SNX29: variants seen among roughly 807,000 people sequenced by gnomAD.
The protein encoded by SNX29 is sorting nexin 29.
SNX29 carries 78 observed loss-of-function variants against 102.1 expected under a neutral mutation model. That is an observed-to-expected ratio of 0.76 (90% CI 0.64 to 0.92). SNX29 has a LOEUF of 0.92. Among genes scored for constraint, SNX29 ranks in the 40% least tolerant of loss-of-function variants. The probability of loss-of-function intolerance (pLI) is 0.00; values close to 1 mark genes in which losing one functional copy is unlikely to be tolerated. For synonymous variants in SNX29, 580 were observed against 414.5 expected (o/e 1.40, Z -4.85); for missense variants, 1,280 against 1,061.7 (o/e 1.21, Z -2.86).
intron 15 of SNX29, among the ~76,000 whole-genome samples, chr16:12,311,719 A>G (rs572085988): frequency 1.5e-4 from 23 of 152,222 alleles, no homozygotes; most frequent in Non-Finnish European, 3.2e-4. Flanking sequence ...TCTGTCGCCA[A>G]TTCCAGTGTG....
chr16:12,092,574 G>A (rs2052601302), intron 11 of SNX29, among the ~76,000 whole-genome samples: 1 of 152,178 alleles, frequency 6.6e-6, no homozygotes, highest in African/African-American at 2.4e-5. Context: ...CAGTGAATGG[G>A]AACACTTGGT....
chr16:12,028,326 T>C (rs1311218084), intron 4 of SNX29, among the ~76,000 whole-genome samples: 1 of 152,198 alleles, frequency 6.6e-6, no homozygotes. Flanking sequence ...TATCATCCTT[T>C]CTTTTTTCTC....
intron 4 of SNX29, among the ~76,000 whole-genome samples, chr16:12,028,352 CTTTTTA>C (rs982935152): frequency 1.3e-5 from 2 of 151,958 alleles, no homozygotes; most frequent in African/African-American, 4.8e-5. Context: ...TTCAATAGAT[CTTTTTA>C]TTTATTTACT....
intron 14 of SNX29, among the ~76,000 whole-genome samples, chr16:12,215,382 A>C (rs564419282): frequency 1.3e-5 from 2 of 151,566 alleles, no homozygotes; most frequent in African/African-American, 4.8e-5. Context: ...CCCTCCATGC[A>C]CTCTATGTAA....
At chr16:12,319,309 C>T (rs529905440) in intron 15 of SNX29, among the ~76,000 whole-genome samples, 5 of 152,166 alleles carry the variant, frequency 3.3e-5, no homozygotes, top group Non-Finnish European at 7.4e-5. Flanking sequence ...CGAGACCAGC[C>T]CAAGCAACAT....
rs140728563 is a variant in SNX29, at chr16:12,285,544, G to T, written c.1782+7508G>T. On this transcript the variant is annotated intron_variant, in intron 15 of 20. Transcript: ENST00000566228. ...AAAAGTAAGCTTGAACATCAAGCTG[G>T]TAAAAAATACACTCATAATCACACG... Among the ~76,000 whole-genome samples the T allele has an allele frequency of 8.2e-3, 1,244 of 152,302 alleles. 9 individuals are homozygous for T. The highest frequency in any genetic ancestry group is 0.014 in the Non-Finnish European group (956 of 68,020).
chr16:12,424,944 T>G lies in SNX29; in HGVS notation c.2037+21415T>G, dbSNP rs57022780. ...AGGATAACCCTAACATGCCCGTCCA[T>G]AGACAAATGGATAAATAAATTGGGG... On this transcript the variant is annotated intron_variant, in intron 18 of 20. Coordinates refer to ENST00000566228, the MANE Select transcript of SNX29 (RefSeq NM_032167.5). Among the ~76,000 whole-genome samples the G allele has an allele frequency of 4.5e-3, 683 of 152,264 alleles. 5 individuals are homozygous for G. Among genetic ancestry groups the G allele is most frequent in the African/African-American group, 0.016 (653 of 41,530 alleles).
intron 18 of SNX29, among the ~76,000 whole-genome samples, chr16:12,428,530 CCTT>C (rs1367152207): frequency 5.3e-5 from 8 of 152,188 alleles, no homozygotes; most frequent in Non-Finnish European, 7.4e-5. Flanking sequence ...ATTAATATCT[CCTT>C]CTAGTTAATC....
intron 4 of SNX29, among the ~76,000 whole-genome samples, chr16:12,041,788 A>C (rs1384924973): frequency 6.6e-6 from 1 of 152,280 alleles, no homozygotes; most frequent in Non-Finnish European, 1.5e-5. Context: ...AGATCCTAAC[A>C]CAGTTGCATA....
chr16:11,997,023 T>C (rs1264724037), intron 1 of SNX29, among the ~76,000 whole-genome samples: 1 of 152,210 alleles, frequency 6.6e-6, no homozygotes, highest in Non-Finnish European at 1.5e-5. Context: ...CTTGGTATTG[T>C]GGTCCTAACA....
intron 13 of SNX29, among the ~76,000 whole-genome samples, chr16:12,162,018 G>A (rs574925092): frequency 5.0e-4 from 76 of 152,196 alleles, no homozygotes; most frequent in Middle Eastern, 3.4e-3. Flanking sequence ...ACCCCTGTTG[G>A]TTTCTTTTCA....
At chr16:12,548,534 T>A (rs1475080938) in intron 20 of SNX29, among the ~76,000 whole-genome samples, 1 of 152,190 alleles carries the variant, frequency 6.6e-6, no homozygotes, top group African/African-American at 2.4e-5. Flanking sequence ...GGTGCAGCCT[T>A]CTGGGAATTC....
intron 19 of SNX29, among the ~76,000 whole-genome samples, chr16:12,499,482 G>T (rs889308738): frequency 6.6e-6 from 1 of 152,170 alleles, no homozygotes. Flanking sequence ...CCCTTAGTCT[G>T]TGCTTAGGCC....
chr16:12,445,348 C>T (rs2086001940), intron 18 of SNX29, among the ~76,000 whole-genome samples: 1 of 152,224 alleles, frequency 6.6e-6, no homozygotes, highest in African/African-American at 2.4e-5. Context: ...TATCGAGATG[C>T]CCCCGCTTCA....
At chr16:12,271,626 C>CT (rs112723702) in intron 14 of SNX29, among the ~76,000 whole-genome samples, 4,030 of 144,566 alleles carry the variant, frequency 0.028, 62 homozygotes, top group Middle Eastern at 0.051. Flanking sequence ...TTGGAACCAT[C>CT]TTTTTTTTTT....
rs940636941 is a variant in SNX29, at chr16:12,554,011, G to GAC, written c.2319-14493_2319-14492dup. On this transcript the variant is annotated intron_variant, in intron 20 of 20. Coordinates refer to ENST00000566228, the MANE Select transcript of SNX29 (RefSeq NM_032167.5). ...GGCTAATTTTTGTATTTTTAGTAGAGACAGCGTTTTAACCATGTTGCCCAG... is the reference window on the plus strand; with the variant it reads ...GGCTAATTTTTGTATTTTTAGTAGAGACACAGCGTTTTAACCATGTTGCCCAG... Among the ~76,000 whole-genome samples the GAC allele has an allele frequency of 5.6e-4, 86 of 152,236 alleles. 1 individual carries two copies. The highest frequency in any genetic ancestry group is 2.0e-3 in the African/African-American group (81 of 41,524).
At chr16:12,509,576 A>C (rs11640782) in intron 19 of SNX29, among the ~76,000 whole-genome samples, 12,248 of 152,262 alleles carry the variant, frequency 0.08, 652 homozygotes, top group Non-Finnish European at 0.11. Flanking sequence ...AGGTGTGGGC[A>C]AGAAAATATC....
At chr16:12,344,184 C>A (rs2081703305) in intron 15 of SNX29, among the ~76,000 whole-genome samples, 1 of 152,222 alleles carries the variant, frequency 6.6e-6, no homozygotes, top group Non-Finnish European at 1.5e-5. Context: ...CATTAAACCT[C>A]TTTTTCTTTA....
chr16:12,459,353 G>A (rs970584816), intron 18 of SNX29, among the ~76,000 whole-genome samples: 2 of 151,834 alleles, frequency 1.3e-5, no homozygotes, highest in African/African-American at 4.8e-5. Context: ...TGGATGGGGT[G>A]GAACACCCTC....
Sources: allele counts gnomAD v4.1 joint callset (sites outside exome capture counted in the v4.1 genomes callset), GRCh38; gene constraint gnomAD v4.1.1; transcripts MANE v1.5; gene names NCBI Gene and HGNC (gene_info 2026-07-23, HGNC 2026-07-21).